The following ABI1 variants were observed in gnomAD, a reference collection of about 807,000 sequenced individuals.
The protein encoded by ABI1 is abl interactor 1.
In ABI1, 14 loss-of-function variants were observed where a neutral mutation model predicts 54.6. The observed-to-expected ratio is 0.26, with a 90% confidence interval of 0.17 to 0.40. ABI1 has a LOEUF of 0.40. Ranked by LOEUF, ABI1 falls within the 10% of genes least tolerant of loss-of-function variation. ABI1 has a pLI of 1.00. For synonymous variants in ABI1, 194 were observed against 209.3 expected (o/e 0.93, Z 0.63); for missense variants, 443 against 598.3 (o/e 0.74, Z 2.71).
In ABI1 at chr10:26,758,601, A is replaced by T. The variant is rs147221928; in HGVS notation, c.997+461T>A. Among the ~76,000 whole-genome samples the T allele has an allele frequency of 6.6e-3, 999 of 152,292 alleles. 15 individuals carry two copies. Among genetic ancestry groups the T allele is most frequent in the African/African-American group, 0.023 (937 of 41,542 alleles). On this transcript the variant is annotated intron_variant, in intron 8 of 10. Transcript: ENST00000376140. ...CACAAACAGTTTTAATCGGTTTTGA[A>T]CTCATTTCTGAACACGTTAATGACC...
intron 2 of ABI1, among the ~76,000 whole-genome samples, chr10:26,800,790 G>GA: frequency 6.6e-6 from 1 of 152,130 alleles, no homozygotes; most frequent in Non-Finnish European, 1.5e-5. Context: ...CAGCACTTTG[G>GA]GAGGTCGGGA....
chr10:26,854,709 T>G (rs776581394), intron 1 of ABI1, among the ~76,000 whole-genome samples: 52 of 152,214 alleles, frequency 3.4e-4, no homozygotes, highest in Non-Finnish European at 5.4e-4. Context: ...TTCTAGGAAT[T>G]CTAACCATTC....
Position 26,751,614 on chromosome 10 carries a change from C to T in ABI1, c.1254G>A (p.Lys418=), listed in dbSNP as rs1837644899. The T allele has an allele frequency of 6.2e-7, 1 of 1,611,898 alleles. No individual in the cohort carries two copies. Among genetic ancestry groups the T allele is most frequent in the African/African-American group, 1.3e-5 (1 of 74,778 alleles). The change falls in exon 10 of 11, where the codon AAG becomes AAA. Residue 418 remains lysine, a synonymous_variant. Transcript: ENST00000376140. ...GTACCTTACCTTTCTCAATATAATT[C>T]TTGGGGGCCCAAGCAGGATCCCCAT... ...YADGDPAWAP[K]NYIEKVVAIY...
intron 2 of ABI1, among the ~76,000 whole-genome samples, chr10:26,788,338 C>T (rs911917906): frequency 6.6e-6 from 1 of 152,180 alleles, no homozygotes; most frequent in Non-Finnish European, 1.5e-5. Context: ...CGGACTAACA[C>T]AGCTTATATA....
chr10:26,810,599 T>C (rs1405820160), intron 2 of ABI1, among the ~76,000 whole-genome samples: 1 of 152,172 alleles, frequency 6.6e-6, no homozygotes, highest in Non-Finnish European at 1.5e-5. Context: ...AACTTTGCCA[T>C]GTGTCAGCAA....
In ABI1 at chr10:26,806,114, T is replaced by C. The variant is rs565191509; in HGVS notation, c.285+17024A>G. ...CTTCCTTTAAGACCCAATTCAACTG[T>C]TATTCCTTCAAGCCATGCTGTAAAA... is the stretch of plus-strand genomic sequence containing the variant. On this transcript the variant is annotated intron_variant, in intron 2 of 10. Coordinates refer to ENST00000376140, the MANE Select transcript of ABI1 (RefSeq NM_001012750.3). Among the ~76,000 whole-genome samples, 73 of 152,316 alleles carry C rather than the reference T, an allele frequency of 4.8e-4. 1 individual carries two copies. Among genetic ancestry groups the C allele is most frequent in the Admixed American group, 3.5e-3 (54 of 15,296 alleles).
chr10:26,813,130 T>G (rs1230695923), intron 2 of ABI1, among the ~76,000 whole-genome samples: 3 of 151,890 alleles, frequency 2.0e-5, no homozygotes, highest in African/African-American at 7.3e-5. Flanking sequence ...ACACCTGTAA[T>G]CCTAGCTACT....
intron 2 of ABI1, among the ~76,000 whole-genome samples, chr10:26,785,781 G>A (rs1179307534): frequency 6.6e-6 from 1 of 151,876 alleles, no homozygotes; most frequent in Non-Finnish European, 1.5e-5. Flanking sequence ...GGCTTACAAG[G>A]CTTACTACCT....
intron 6 of ABI1, among the ~76,000 whole-genome samples, chr10:26,767,395 C>T (rs1400763886): frequency 6.6e-6 from 1 of 152,094 alleles, no homozygotes; most frequent in Non-Finnish European, 1.5e-5. Context: ...CATTTACCAA[C>T]CTAAGAGTGA....
intron 9 of ABI1, among the ~76,000 whole-genome samples, chr10:26,752,407 A>G (rs1837748794): frequency 6.6e-6 from 1 of 152,240 alleles, no homozygotes; most frequent in South Asian, 2.1e-4. Context: ...ATCCCCAACC[A>G]GTAGAAAATC....
chr10:26,829,604 A>G (rs1327016129), intron 1 of ABI1, among the ~76,000 whole-genome samples: 4 of 152,218 alleles, frequency 2.6e-5, no homozygotes, highest in African/African-American at 7.2e-5. Context: ...CAATTTTAAT[A>G]AATAAACAAC....
intron 1 of ABI1, among the ~76,000 whole-genome samples, chr10:26,830,438 A>G (rs1301807945): frequency 6.6e-6 from 1 of 152,108 alleles, no homozygotes. Context: ...CCTGAGCAAC[A>G]TAGTGACACC....
chr10:26,814,286 T>C (rs1234940446), intron 2 of ABI1, among the ~76,000 whole-genome samples: 1 of 152,226 alleles, frequency 6.6e-6, no homozygotes, highest in Non-Finnish European at 1.5e-5. Context: ...TCTAATGTTA[T>C]ACTAGCTACC....
At chr10:26,780,809 T>C (rs1431341573) in intron 2 of ABI1, among the ~76,000 whole-genome samples, 1 of 152,204 alleles carries the variant, frequency 6.6e-6, no homozygotes, top group Non-Finnish European at 1.5e-5. Flanking sequence ...ATACCCATCC[T>C]GTGGAAGAAT....
At position 26,814,663 on chromosome 10, in the gene ABI1, G is replaced by C. The variant is rs550883501; in HGVS notation, c.285+8475C>G. On this transcript the variant is annotated intron_variant, in intron 2 of 10. Transcript: ENST00000376140. ...AAATAAGAAGTGAATATTGGTTACA[G>C]AAAGGACTTATCAGTAATTACTTCA... Among the ~76,000 whole-genome samples the C allele has an allele frequency of 3.3e-5, 5 of 152,254 alleles. No homozygotes were observed. The South Asian group carries it at 6.2e-4, about 19-fold the overall frequency.
chr10:26,846,405 TGCTCTCA>T (rs2134154306), intron 1 of ABI1, among the ~76,000 whole-genome samples: 1 of 151,030 alleles, frequency 6.6e-6, no homozygotes, highest in Admixed American at 6.6e-5. Context: ...TGCAGTGGCG[TGCTCTCA>T]GCTCGCTGCA....
chr10:26,777,947 A>G (rs1841633497), intron 2 of ABI1, among the ~76,000 whole-genome samples: 1 of 152,138 alleles, frequency 6.6e-6, no homozygotes. Flanking sequence ...ATTCAAAATT[A>G]CTATAAAGGT....
At chr10:26,821,438 G>A (rs2047978335) in intron 2 of ABI1, among the ~76,000 whole-genome samples, 1 of 151,944 alleles carries the variant, frequency 6.6e-6, no homozygotes, top group African/African-American at 2.4e-5. Flanking sequence ...AAAGAAAGAT[G>A]ACACCAATTA....
intron 2 of ABI1, among the ~76,000 whole-genome samples, chr10:26,800,946 C>T (rs774141762): frequency 7.9e-5 from 12 of 152,206 alleles, no homozygotes; most frequent in African/African-American, 2.4e-4. Flanking sequence ...GCAGAGGCTG[C>T]GGTGAGCCGA....
Sources: gnomAD v4.1 joint callset for allele counts (sites outside exome capture counted in the v4.1 genomes callset) on GRCh38, gnomAD v4.1.1 for gene constraint, MANE v1.5 for transcripts, NCBI Gene and HGNC (gene_info 2026-07-23, HGNC 2026-07-21) for gene names.